GMDS: variants seen among roughly 807,000 people sequenced by gnomAD.
GMDS encodes GDP-mannose 4,6 dehydratase.
Under a neutral mutation model 49.9 loss-of-function variants are expected in GMDS, and 20 were observed. The observed-to-expected ratio is 0.40, with a 90% confidence interval of 0.28 to 0.58. The LOEUF (loss-of-function observed/expected upper bound fraction) is 0.58, where lower values mean the gene tolerates loss of function less well. Among genes scored for constraint, GMDS ranks in the 20% least tolerant of loss-of-function variants. The probability of loss-of-function intolerance (pLI) is 0.42; values close to 1 mark genes in which losing one functional copy is unlikely to be tolerated. For missense variants in GMDS, 362 were observed against 481.4 expected (o/e 0.75, Z 2.32); for synonymous variants, 177 against 178.6 (o/e 0.99, Z 0.07).
At chr6:1,681,474 C>T (rs1474128864) in intron 9 of GMDS, among the ~76,000 whole-genome samples, 1 of 152,130 alleles carries the variant, frequency 6.6e-6, no homozygotes, top group African/African-American at 2.4e-5. Flanking sequence ...AAAGCTCTGC[C>T]ATTCAGGACA....
rs1434761211 is a variant in GMDS at position 2,000,027 on chromosome 6, A to ATC, written c.346-39063_346-39062dup. Among the ~76,000 whole-genome samples, 87 of 11,426 alleles carry ATC rather than the reference A, an allele frequency of 7.6e-3. 5 individuals are homozygous for ATC. The highest frequency in any genetic ancestry group is 0.023 in the South Asian group (8 of 346). 7.5% of individuals were successfully genotyped at this position (11,426 alleles called of 152,430 possible). A position where few individuals can be genotyped will look rare whatever the true frequency, so the allele number is the denominator to read the frequency against. On this transcript the variant is annotated intron_variant, in intron 4 of 10. Transcript: ENST00000380815. Reference sequence around the variant, plus strand: ...ATATATATTTTTTATATATATATATATCTATATCTTTTTTTTTTTTTTTTT... The same window carrying ATC: ...ATATATATTTTTTATATATATATATATCTCTATATCTTTTTTTTTTTTTTTTT...
At chr6:2,092,197 A>G (rs557457592) in intron 4 of GMDS, among the ~76,000 whole-genome samples, 70 of 152,214 alleles carry the variant, frequency 4.6e-4, no homozygotes, top group Non-Finnish European at 8.7e-4. Context: ...GTAGTGAACT[A>G]AACTACTCCT....
At chr6:2,172,583 C>T (rs1157296347) in intron 1 of GMDS, among the ~76,000 whole-genome samples, 1 of 152,050 alleles carries the variant, frequency 6.6e-6, no homozygotes, top group Non-Finnish European at 1.5e-5. Flanking sequence ...ATCCCAGCTA[C>T]TCGGGAGACT....
intron 7 of GMDS, among the ~76,000 whole-genome samples, chr6:1,786,810 T>TA (rs1769342061): frequency 6.6e-6 from 1 of 151,968 alleles, no homozygotes; most frequent in South Asian, 2.1e-4. Context: ...TTTTTTTTTT[T>TA]ATCACTGCAG....
chr6:1,851,728 T>C (rs1180120505), intron 7 of GMDS, among the ~76,000 whole-genome samples: 4 of 152,026 alleles, frequency 2.6e-5, no homozygotes, highest in Non-Finnish European at 4.4e-5. Flanking sequence ...AATAATAATT[T>C]TAAAAGAAAA....
chr6:2,048,015 C>T (rs979658457), intron 4 of GMDS, among the ~76,000 whole-genome samples: 1 of 152,050 alleles, frequency 6.6e-6, no homozygotes, highest in African/African-American at 2.4e-5. Context: ...AGTAACAGCA[C>T]TAAAAAATGT....
At chr6:2,182,816 C>T (rs1253341841) in intron 1 of GMDS, among the ~76,000 whole-genome samples, 1 of 152,154 alleles carries the variant, frequency 6.6e-6, no homozygotes, top group Non-Finnish European at 1.5e-5. Context: ...AGTCATCCTC[C>T]CACCTCAGCT....
intron 9 of GMDS, among the ~76,000 whole-genome samples, chr6:1,655,938 A>T (rs1303307839): frequency 6.6e-6 from 1 of 152,238 alleles, no homozygotes; most frequent in Non-Finnish European, 1.5e-5. Context: ...CCTCAGAGTC[A>T]GAATCACATT....
chr6:1,963,520 T>C (rs56226194), intron 4 of GMDS, among the ~76,000 whole-genome samples: 20,855 of 152,256 alleles, frequency 0.14, 1,569 homozygotes, highest in East Asian at 0.21. Context: ...TATAGTTTTG[T>C]TTCATGTACT....
chr6:2,090,304 T>C (rs1773244432), intron 4 of GMDS, among the ~76,000 whole-genome samples: 2 of 152,164 alleles, frequency 1.3e-5, no homozygotes, highest in African/African-American at 4.8e-5. Flanking sequence ...AATCCGATGG[T>C]AAAGAGTAGG....
At chr6:2,177,866 T>C (rs768486953) in intron 1 of GMDS, among the ~76,000 whole-genome samples, 1 of 152,020 alleles carries the variant, frequency 6.6e-6, no homozygotes, top group Non-Finnish European at 1.5e-5. Context: ...TTCACAATAG[T>C]AAAGACATAG....
At chr6:2,221,894 G>T (rs1449494146) in intron 1 of GMDS, among the ~76,000 whole-genome samples, 1 of 151,862 alleles carries the variant, frequency 6.6e-6, no homozygotes, top group Non-Finnish European at 1.5e-5. Flanking sequence ...GGGGCAACAG[G>T]AAACTTGGTG....
chr6:2,120,878 T>G (rs73416663), intron 2 of GMDS, among the ~76,000 whole-genome samples: 3,351 of 152,286 alleles, frequency 0.022, 128 homozygotes, highest in African/African-American at 0.078. Context: ...CTAAAGAGCC[T>G]ATTAAAGATC....
intron 7 of GMDS, among the ~76,000 whole-genome samples, chr6:1,855,994 A>C (rs1450809085): frequency 6.6e-6 from 1 of 152,112 alleles, no homozygotes; most frequent in Non-Finnish European, 1.5e-5. Context: ...CTGTGTACCT[A>C]ATCTCTCAAA....
At chr6:1,908,171 G>C (rs188316171) in intron 7 of GMDS, among the ~76,000 whole-genome samples, 1 of 152,156 alleles carries the variant, frequency 6.6e-6, no homozygotes, top group African/African-American at 2.4e-5. Flanking sequence ...GGGATCCACC[G>C]GACAAAGGAA....
At chr6:1,683,662 A>C (rs1462758376) in intron 9 of GMDS, among the ~76,000 whole-genome samples, 1 of 152,124 alleles carries the variant, frequency 6.6e-6, no homozygotes, top group Admixed American at 6.5e-5. Flanking sequence ...TGGGGGAAAA[A>C]CCTTTAGACA....
intron 7 of GMDS, among the ~76,000 whole-genome samples, chr6:1,827,896 A>G (rs1771196532): frequency 6.6e-6 from 1 of 152,176 alleles, no homozygotes. Context: ...CAATGGAAAA[A>G]TAAGACATAG....
chr6:2,183,896 C>A (rs1778663545), intron 1 of GMDS, among the ~76,000 whole-genome samples: 1 of 152,214 alleles, frequency 6.6e-6, no homozygotes, highest in Admixed American at 6.5e-5. Context: ...ATAAGATATA[C>A]TTTAGTTATG....
chr6:1,763,049 A>G (rs1320519914), intron 7 of GMDS, among the ~76,000 whole-genome samples: 1 of 152,212 alleles, frequency 6.6e-6, no homozygotes, highest in African/African-American at 2.4e-5. Context: ...TGGTAAATAC[A>G]TGTGGTAATT....
Sources: gnomAD v4.1 joint callset for allele counts (sites outside exome capture counted in the v4.1 genomes callset) on GRCh38, gnomAD v4.1.1 for gene constraint, MANE v1.5 for transcripts, NCBI Gene and HGNC (gene_info 2026-07-23, HGNC 2026-07-21) for gene names.